The following NMS variants were observed in gnomAD, a reference collection of about 807,000 sequenced individuals.
The protein encoded by NMS is neuromedin S.
Under a neutral mutation model 32.2 loss-of-function variants are expected in NMS, and 30 were observed. The ratio of observed to expected loss-of-function variants is 0.93; its 90% CI spans 0.70 to 1.26. The LOEUF (loss-of-function observed/expected upper bound fraction) is 1.26. NMS is among the 50% of genes most tolerant of loss of function. NMS has a pLI of 0.00. For synonymous variants in NMS, 76 were observed against 58.5 expected, an observed-to-expected ratio of 1.30 and a Z score of -1.37; for missense variants, 190 against 186.3, an observed-to-expected ratio of 1.02 and a Z score of -0.12.
At position 100,477,197 on chromosome 2, in the gene NMS, GC is replaced by G. The variant is rs369718495; in HGVS notation, c.184-43del. 706 of 1,546,146 alleles carry G rather than the reference GC, an allele frequency of 4.6e-4. 1 individual carries two copies. The African/African-American group carries it at 8.5e-3, about 19-fold the overall frequency. On this transcript the variant is annotated intron_variant, in intron 3 of 9. Coordinates refer to ENST00000376865, the MANE Select transcript of NMS (RefSeq NM_001011717.1). ...ATACAGAAAACGTTATCCGTTACCT[GC>G]CCCTGTAAAATTTCATCTAACTTAC...
At chr2:100,482,641 C>A (rs905168881) in intron 9 of NMS, among the ~76,000 whole-genome samples, 1 of 152,180 alleles carries the variant, frequency 6.6e-6, no homozygotes, top group African/African-American at 2.4e-5. Flanking sequence ...GACTTCTCAC[C>A]TGGCCCCCTT....
intron 2 of NMS, 31 bp from the exon 3 acceptor site, chr2:100,473,457 CT>C: frequency 3.6e-6 from 5 of 1,401,490 alleles, no homozygotes; most frequent in Non-Finnish European, 4.8e-6. Context: ...CCCCTCATCC[CT>C]TTGATTTGTT....
chr2:100,479,480 T>C, intron 6 of NMS, 53 bp downstream of exon 6: 1 of 1,475,014 alleles, frequency 6.8e-7, no homozygotes, highest in Non-Finnish European at 9.4e-7. Flanking sequence ...GTTCATTGAA[T>C]CGTGGTAAAA....
At chr2:100,478,465 T>G (rs925175287) in intron 5 of NMS, among the ~76,000 whole-genome samples, 2 of 152,050 alleles carry the variant, frequency 1.3e-5, no homozygotes, top group Non-Finnish European at 2.9e-5. Context: ...GGAATTTTTT[T>G]GTTTGTTTGT....
chr2:100,483,069 A>C (rs1332483564), intron 9 of NMS, among the ~76,000 whole-genome samples, 183 bp from the exon 10 acceptor site: 1 of 152,236 alleles, frequency 6.6e-6, no homozygotes, highest in African/African-American at 2.4e-5. Flanking sequence ...CTAATGCCCT[A>C]ATTAGATAGA....
intron 3 of NMS, among the ~76,000 whole-genome samples, chr2:100,475,920 A>G (rs1677099427): frequency 6.7e-6 from 1 of 150,368 alleles, no homozygotes; most frequent in Non-Finnish European, 1.5e-5. Flanking sequence ...AATCGCTTGA[A>G]CCTGGGAGGT....
intron 7 of NMS, 78 bp from the exon 8 acceptor site, chr2:100,481,048 A>T: frequency 6.8e-7 from 1 of 1,474,696 alleles, no homozygotes. Flanking sequence ...CCATTTTGAA[A>T]ACTGTTCCTA....
chr2:100,478,021 G>A (rs1484572914), intron 5 of NMS, among the ~76,000 whole-genome samples: 4 of 152,174 alleles, frequency 2.6e-5, no homozygotes, highest in African/African-American at 9.7e-5. Flanking sequence ...GAGTGCAGGG[G>A]CGCCATCTCA....
chr2:100,474,529 C>T (rs1436824485), intron 3 of NMS, among the ~76,000 whole-genome samples: 1 of 152,226 alleles, frequency 6.6e-6, no homozygotes, highest in Non-Finnish European at 1.5e-5. Context: ...CAAAATCCAG[C>T]TCTGTTTAAA....
Position 100,470,539 on chromosome 2 carries a change from C to T in NMS, c.51C>T (p.Phe17=). 6.2e-7 allele frequency: 1 copy of T among 1,613,948 alleles called. No homozygotes were observed. The highest frequency in any genetic ancestry group is 8.5e-7 in the Non-Finnish European group (1 of 1,179,850). ...CTCTCATCTTGGCCATCTACTGCTT[C>T]TGCATGCTACAGATTCCCTCCTCAG... is the stretch of plus-strand genomic sequence containing the variant. ...QFPLILAIYC[F]CMLQIPSSGF... is the part of the protein sequence containing the mutation. Residue 17 remains phenylalanine, a synonymous_variant, in exon 1 of 10, where the codon TTC becomes TTT. Coordinates refer to ENST00000376865, the MANE Select transcript of NMS (RefSeq NM_001011717.1).
At chr2:100,480,639 G>A in intron 7 of NMS, 108 bp downstream of exon 7, 1 of 1,083,856 alleles carries the variant, frequency 9.2e-7, no homozygotes, top group Non-Finnish European at 1.4e-6. Flanking sequence ...CCAGTTCTGG[G>A]CAGAGCTGGT....
At chr2:100,480,454 TG>T (rs1418796530) in intron 6 of NMS, 41 bp from the exon 7 acceptor site, 1 of 1,604,798 alleles carries the variant, frequency 6.2e-7, no homozygotes, top group Admixed American at 1.7e-5. Flanking sequence ...AAGGTCATGA[TG>T]TGGTTCCTGT....
At chr2:100,471,365 T>C (rs1677004111) in intron 1 of NMS, among the ~76,000 whole-genome samples, 2 of 152,210 alleles carry the variant, frequency 1.3e-5, no homozygotes, top group South Asian at 4.1e-4. Context: ...TTGTTTGTCA[T>C]GTCCTACAAT....
At chr2:100,474,816 T>C (rs1279484709) in intron 3 of NMS, among the ~76,000 whole-genome samples, 1 of 152,246 alleles carries the variant, frequency 6.6e-6, no homozygotes, top group Non-Finnish European at 1.5e-5. Flanking sequence ...TGGTTTACTA[T>C]GCATATGTTT....
chr2:100,479,184 A>T (rs1677168486), intron 5 of NMS, among the ~76,000 whole-genome samples, 169 bp from the exon 6 acceptor site: 1 of 152,234 alleles, frequency 6.6e-6, no homozygotes, highest in Non-Finnish European at 1.5e-5. Context: ...GCGGCTCTTT[A>T]TTGAAAACAT....
At chr2:100,482,339 C>T (rs763932174) in intron 9 of NMS, 28 bp downstream of exon 9, 10 of 1,609,718 alleles carry the variant, frequency 6.2e-6, no homozygotes, top group Non-Finnish European at 8.5e-6. Context: ...AGCTTCATCA[C>T]CCTTTTTCTC....
At chr2:100,472,942 C>A in intron 2 of NMS, 92 bp downstream of exon 2, 2 of 857,136 alleles carry the variant, frequency 2.3e-6, no homozygotes, top group South Asian at 1.7e-5. Context: ...ATTTTGAGAT[C>A]AGATTTTTGG....
chr2:100,471,063 T>C (rs570172941), intron 1 of NMS, among the ~76,000 whole-genome samples: 1 of 152,308 alleles, frequency 6.6e-6, no homozygotes, highest in African/African-American at 2.4e-5. Flanking sequence ...TTCCAGAGTG[T>C]ACCGGAAGCC....
At chr2:100,472,051 A>G (rs933541439) in intron 1 of NMS, among the ~76,000 whole-genome samples, 2 of 152,230 alleles carry the variant, frequency 1.3e-5, no homozygotes, top group African/African-American at 4.8e-5. Context: ...GAGAGAACGC[A>G]GGGAACAAAA....
Sources: allele counts gnomAD v4.1 joint callset (sites outside exome capture counted in the v4.1 genomes callset), GRCh38; gene constraint gnomAD v4.1.1; transcripts MANE v1.5; gene names NCBI Gene and HGNC (gene_info 2026-07-23, HGNC 2026-07-21).